Variants in PIEZO2 observed in about 807,000 individuals in gnomAD.
PIEZO2 encodes piezo-type mechanosensitive ion channel component 2.
PIEZO2 carries 172 observed loss-of-function variants against 337.3 expected under a neutral mutation model. That is an observed-to-expected ratio of 0.51 (90% CI 0.45 to 0.58). The LOEUF is 0.58. PIEZO2 is among the 20% of genes least tolerant of loss of function. The pLI is 0.00. For missense variants in PIEZO2, 3,028 were observed against 3,391.3 expected (o/e 0.89, Z 2.66); for synonymous variants, 1,251 against 1,228.5 (o/e 1.02, Z -0.38).
chr18:10,780,495 C>T, intron 17 of PIEZO2, 129 bp from the exon 18 acceptor site: 1 of 634,462 alleles, frequency 1.6e-6, no homozygotes, highest in East Asian at 2.7e-5. Flanking sequence ...TGTAGCCACC[C>T]TCACAGGCTT....
intron 2 of PIEZO2, among the ~76,000 whole-genome samples, chr18:11,034,850 A>T (rs145620699): frequency 6.6e-6 from 1 of 152,094 alleles, no homozygotes; most frequent in Non-Finnish European, 1.5e-5. Flanking sequence ...GTCTCAAACA[A>T]AAACAAACAA....
intron 3 of PIEZO2, among the ~76,000 whole-genome samples, chr18:10,935,699 G>T (rs547289574): frequency 1.3e-5 from 2 of 152,200 alleles, no homozygotes; most frequent in Non-Finnish European, 2.9e-5. Flanking sequence ...AACTGGGGCC[G>T]CTGCTGAAGT....
rs760909840 is a variant in PIEZO2, at chr18:10,837,456, G to C, written c.917+17897C>G. On this transcript the variant is annotated intron_variant, in intron 7 of 55. Transcript: ENST00000674853. The surrounding 1 kb of genome is among the most constrained non-coding windows in gnomAD (Gnocchi z 4.4). ...CCATCACGCTGGACTCGCTGGAATG[G>C]GGGTAATGAGGATGACCCATCCTTA... Among the ~76,000 whole-genome samples, 11 of 152,160 alleles carry C rather than the reference G, an allele frequency of 7.2e-5. No homozygotes were observed. Among genetic ancestry groups the C allele is most frequent in the Non-Finnish European group, 5.9e-5 (4 of 68,030 alleles).
intron 2 of PIEZO2, among the ~76,000 whole-genome samples, chr18:10,981,295 C>G (rs2034656615): frequency 6.6e-6 from 1 of 151,902 alleles, no homozygotes; most frequent in African/African-American, 2.4e-5. Flanking sequence ...ATAATGGCAT[C>G]TTATGTAACA....
At chr18:10,880,362 C>T (rs757761906) in intron 4 of PIEZO2, among the ~76,000 whole-genome samples, 58 of 152,190 alleles carry the variant, frequency 3.8e-4, no homozygotes, top group Non-Finnish European at 7.5e-4. Flanking sequence ...TTCAATTTCT[C>T]ACCTTACAAA....
chr18:10,768,512 G>A (rs564373635), intron 21 of PIEZO2, among the ~76,000 whole-genome samples: 9 of 152,162 alleles, frequency 5.9e-5, no homozygotes, highest in African/African-American at 1.9e-4. Flanking sequence ...CGCACAACAC[G>A]AGTGGCTGAA....
chr18:10,731,184 T>TATAC (rs2036762802), intron 36 of PIEZO2, among the ~76,000 whole-genome samples: 7 of 48,184 alleles, frequency 1.5e-4, no homozygotes, highest in African/African-American at 9.5e-4. Flanking sequence ...AGATTATATA[T>TATAC]ATATATATAT....
At position 11,044,190 on chromosome 18, in the gene PIEZO2, T is replaced by A. The variant is rs553450013; in HGVS notation, c.160+21937A>T. Among the ~76,000 whole-genome samples the A allele has an allele frequency of 8.7e-5, 13 of 149,512 alleles. No homozygotes were observed. The East Asian group carries it at 2.3e-3, about 27-fold the overall frequency. The stretch of plus-strand genomic sequence containing the variant: ...ATATATATACACACACACACTAATA[T>A]AATATATATTATACATAAAATATAT... On this transcript the variant is annotated intron_variant, in intron 2 of 55. Transcript: ENST00000674853.
chr18:10,826,645 A>G (rs981063793), intron 7 of PIEZO2, among the ~76,000 whole-genome samples: 1 of 152,182 alleles, frequency 6.6e-6, no homozygotes, highest in African/African-American at 2.4e-5. Context: ...CATTGTTTAT[A>G]TGCTTACATT....
At position 10,721,203 on chromosome 18, in the gene PIEZO2, G is replaced by C. The variant is rs1195950871; in HGVS notation, c.5030-2944C>G. ...TCCGGCAAGTTGCTTCATTCTCTGG[G>C]ACCTTATTTGCTCCTCTGTAGAGCA... On this transcript the variant is annotated intron_variant, in intron 36 of 55. Transcript: ENST00000674853. Among the ~76,000 whole-genome samples, 4 of 152,128 alleles carry C rather than the reference G, an allele frequency of 2.6e-5. No individual in the cohort carries two copies. In the East Asian group the frequency reaches 7.7e-4, roughly 29 times the overall value.
At position 10,861,333 on chromosome 18, in the gene PIEZO2, A is replaced by G. The variant is rs2041867180; in HGVS notation, c.493-4122T>C. ...CTCTTTACAGTTTAAAAAGTCAAAT[A>G]AATGATTATACAGATTATTGACCAT... On this transcript the variant is annotated intron_variant, in intron 5 of 55. Transcript: ENST00000674853. This position sits in a 1 kb window ranked among gnomAD's most constrained non-coding sequence, Gnocchi z 4.3. Among the ~76,000 whole-genome samples, 1 of 152,234 alleles carries G rather than the reference A, an allele frequency of 6.6e-6. No homozygotes were observed. Among genetic ancestry groups the G allele is most frequent in the Admixed American group, 6.5e-5 (1 of 15,288 alleles).
intron 1 of PIEZO2, among the ~76,000 whole-genome samples, chr18:11,114,217 T>G (rs1380337755): frequency 6.6e-6 from 1 of 152,198 alleles, no homozygotes; most frequent in Non-Finnish European, 1.5e-5. Flanking sequence ...AAGTTCCAAA[T>G]TTTTGAATCT....
chr18:10,833,085 T>C lies in PIEZO2; in HGVS notation c.917+22268A>G, dbSNP rs9965200. On this transcript the variant is annotated intron_variant, in intron 7 of 55. Coordinates refer to ENST00000674853, the MANE Select transcript of PIEZO2 (RefSeq NM_001378183.1). This position sits in a 1 kb window ranked among gnomAD's most constrained non-coding sequence, Gnocchi z 4.7. ...CCTTGCTGGCAGCTCTTGGCAGACATGCCATCGAGAGAAATCTCAGCCCCA... is the reference window on the plus strand; with the variant it reads ...CCTTGCTGGCAGCTCTTGGCAGACACGCCATCGAGAGAAATCTCAGCCCCA... Among the ~76,000 whole-genome samples the C allele has an allele frequency of 0.33, 50,645 of 151,910 alleles. 8,960 individuals are homozygous for C. The highest frequency in any genetic ancestry group is 0.63 in the East Asian group (3,232 of 5,116).
rs969241114 is a variant in PIEZO2, at chr18:10,783,535, G to T, written c.2492+1249C>A. 6.6e-6 allele frequency among the ~76,000 whole-genome samples: 1 copy of T among 152,088 alleles called. No homozygotes were observed. The highest frequency in any genetic ancestry group is 1.5e-5 in the Non-Finnish European group (1 of 68,026). On this transcript the variant is annotated intron_variant, in intron 17 of 55. Transcript: ENST00000674853. This position sits in a 1 kb window ranked among gnomAD's most constrained non-coding sequence, Gnocchi z 4.3. ...TAATAACTACTTTATTTTTCCTAAT[G>T]CTTGATCATCACTGAAGGTAGCAGG...
chr18:11,031,692 G>A lies in PIEZO2; in HGVS notation c.160+34435C>T, dbSNP rs1281033327. Among the ~76,000 whole-genome samples, 1 of 152,082 alleles carries A rather than the reference G, an allele frequency of 6.6e-6. No homozygotes were observed. Among genetic ancestry groups the A allele is most frequent in the Non-Finnish European group, 1.5e-5 (1 of 68,028 alleles). ...GGCAGCATTCCGGAGGCTTCCAGAG[G>A]AGCCAGATATAACCCTTGGTTGCTC... On this transcript the variant is annotated intron_variant, in intron 2 of 55. Coordinates refer to ENST00000674853, the MANE Select transcript of PIEZO2 (RefSeq NM_001378183.1). This position sits in a 1 kb window ranked among gnomAD's most constrained non-coding sequence, Gnocchi z 4.7.
intron 3 of PIEZO2, among the ~76,000 whole-genome samples, chr18:10,931,348 T>G (rs1016055957): frequency 2.0e-5 from 3 of 152,070 alleles, no homozygotes; most frequent in Non-Finnish European, 4.4e-5. Flanking sequence ...TACAGGCGCC[T>G]GCCACCACGC....
intron 10 of PIEZO2, 57 bp downstream of exon 10, chr18:10,801,333 T>C (rs1339235765): frequency 8.0e-6 from 11 of 1,379,656 alleles, no homozygotes; most frequent in East Asian, 2.5e-5. Flanking sequence ...CTACTTCCAT[T>C]TGTTGCCTTT....
In PIEZO2 at chr18:11,109,769, T is replaced by C. The variant is rs2039675745; in HGVS notation, c.64+38756A>G. On this transcript the variant is annotated intron_variant, in intron 1 of 55. Transcript: ENST00000674853. This position sits in a 1 kb window ranked among gnomAD's most constrained non-coding sequence, Gnocchi z 5.1. ...TCCTTAATGCTAAGAAGCAAAAATG[T>C]GTATGTGTTTGTCTATTCTGGATAC... Among the ~76,000 whole-genome samples, 1 of 152,070 alleles carries C rather than the reference T, an allele frequency of 6.6e-6. No individual in the cohort carries two copies. Among genetic ancestry groups the C allele is most frequent in the South Asian group, 2.1e-4 (1 of 4,828 alleles).
At chr18:11,065,206 C>G (rs745540116) in intron 2 of PIEZO2, among the ~76,000 whole-genome samples, 1 of 152,178 alleles carries the variant, frequency 6.6e-6, no homozygotes, top group Non-Finnish European at 1.5e-5. Flanking sequence ...TCTGTGTACA[C>G]CGTGGTCTTT....
Sources: allele counts gnomAD v4.1 joint callset (sites outside exome capture counted in the v4.1 genomes callset), GRCh38; gene constraint gnomAD v4.1.1; non-coding constraint Gnocchi (gnomAD v3.1); transcripts MANE v1.5; gene names NCBI Gene and HGNC (gene_info 2026-07-23, HGNC 2026-07-21).